Variants in CASP8 observed in about 807,000 individuals in gnomAD.
CASP8 encodes caspase-8.
Under a neutral mutation model 46.3 loss-of-function variants are expected in CASP8, and 24 were observed. The ratio of observed to expected loss-of-function variants is 0.52; its 90% CI spans 0.38 to 0.73. The LOEUF (loss-of-function observed/expected upper bound fraction) is 0.73. CASP8 is among the 30% of genes least tolerant of loss of function. The pLI is 0.00. For missense variants in CASP8, 460 were observed against 559.0 expected, an observed-to-expected ratio of 0.82 and a Z score of 1.79; for synonymous variants, 188 against 200.4, an observed-to-expected ratio of 0.94 and a Z score of 0.52.
At chr2:201,254,315 G>C (rs1460825273) in intron 2 of CASP8, among the ~76,000 whole-genome samples, 1 of 152,144 alleles carries the variant, frequency 6.6e-6, no homozygotes, top group Non-Finnish European at 1.5e-5. Context: ...AATACCAAAA[G>C]AAAAACTTAA....
intron 1 of CASP8, among the ~76,000 whole-genome samples, chr2:201,261,456 A>C (rs1367366305): frequency 6.6e-6 from 1 of 152,110 alleles, no homozygotes. Flanking sequence ...TAATGGGAAG[A>C]CTAGATAGAC....
chr2:201,240,652 A>G (rs1432729391), intron 2 of CASP8: 1 of 152,204 alleles, frequency 6.6e-6, no homozygotes, highest in Non-Finnish European at 1.5e-5. Flanking sequence ...GAAACAGGGG[A>G]CTTAAACAAC....
chr2:201,249,138 C>G (rs1310953473), intron 2 of CASP8, among the ~76,000 whole-genome samples: 1 of 152,204 alleles, frequency 6.6e-6, no homozygotes, highest in East Asian at 1.9e-4. Flanking sequence ...GGTGATCCAC[C>G]TGCCTTGGCC....
At chr2:201,247,190 C>CA (rs71022356) in intron 2 of CASP8, among the ~76,000 whole-genome samples, 2,490 of 81,254 alleles carry the variant, frequency 0.031, 106 homozygotes, top group African/African-American at 0.079. Flanking sequence ...CTGTCTGTCT[C>CA]AAAAAAAAAA....
At chr2:201,244,588 A>G (rs1310476412) in intron 2 of CASP8, among the ~76,000 whole-genome samples, 4 of 152,212 alleles carry the variant, frequency 2.6e-5, no homozygotes, top group Non-Finnish European at 5.9e-5. Context: ...TCTCTTCTGT[A>G]CATTGATATC....
In CASP8 at chr2:201,281,830, C is replaced by G. The variant is rs372086843; in HGVS notation, c.803-2986C>G. On this transcript the variant is annotated intron_variant, in intron 7 of 8. Transcript: ENST00000673742. ...ACACTCTCTCCTTTCTCATTTGCTT[C>G]AGGGTTTGAGAATGTTTTTAGCTGG... The G allele has an allele frequency of 7.7e-4, 1,115 of 1,450,634 alleles. 55 individuals are homozygous for G. The highest frequency in any genetic ancestry group is 3.7e-3 in the African/African-American group (260 of 69,468). 89.9% of individuals were successfully genotyped at this position (1,450,634 alleles called of 1,614,324 possible).
At chr2:201,259,858 C>T (rs1947263662), upstream of CASP8, among the ~76,000 whole-genome samples, 1 of 151,372 alleles carries the variant, frequency 6.6e-6, no homozygotes, top group Non-Finnish European at 1.5e-5. Context: ...TACCATCTTA[C>T]CAAAGAGTTT....
Position 201,285,195 on chromosome 2 carries a change from G to A in CASP8, c.1182G>A (p.Pro394=), listed in dbSNP as rs190041873. The A allele has an allele frequency of 1.3e-4, 202 of 1,614,176 alleles. No homozygotes were observed. Among genetic ancestry groups the A allele is most frequent in the South Asian group, 2.9e-4 (26 of 91,080 alleles). The change falls in exon 8 of 9, where the codon CCG becomes CCA. Residue 394 remains proline, a synonymous_variant. Coordinates refer to ENST00000673742, the MANE Select transcript of CASP8 (RefSeq NM_001372051.1). The stretch of plus-strand genomic sequence containing the variant: ...CATCACCTCAAACGAGATATATCCC[G>A]GATGAGGCTGACTTTCTGCTGGGGA... ...DLSSPQTRYI[P]DEADFLLGMA...
Position 201,266,616 on chromosome 2 carries a change from T to C in CASP8, c.130T>C (p.Leu44=). 1 of 1,614,194 alleles carries C rather than the reference T, an allele frequency of 6.2e-7. No individual in the cohort carries two copies. The change falls in exon 2 of 9, where the codon TTA becomes CTA. Residue 44 remains leucine, a synonymous_variant. Coordinates refer to ENST00000673742, the MANE Select transcript of CASP8 (RefSeq NM_001372051.1). This position sits in a 1 kb window ranked among gnomAD's most constrained non-coding sequence, Gnocchi z 5.7. ...KQEPIKDALM[L]FQRLQEKRML... is the part of the protein sequence containing the mutation. Reference sequence around the variant, plus strand: ...AGAACCCATCAAGGATGCCTTGATGTTATTCCAGAGACTCCAGGAAAAGAG... The same window carrying C: ...AGAACCCATCAAGGATGCCTTGATGCTATTCCAGAGACTCCAGGAAAAGAG...
At chr2:201,248,743 G>A (rs949459521) in intron 2 of CASP8, among the ~76,000 whole-genome samples, 11 of 152,130 alleles carry the variant, frequency 7.2e-5, no homozygotes, top group Non-Finnish European at 1.5e-4. Context: ...CTCTCTTAAT[G>A]GTATCATTTT....
Position 201,287,526 on chromosome 2 carries a change from T to A in CASP8, c.*932T>A, listed in dbSNP as rs1044132196. ...GCCTTCTTATTGCTTTTATGATATATATATGCTTGGCTAACTATATTTGCT... is the reference window on the plus strand; with the variant it reads ...GCCTTCTTATTGCTTTTATGATATAAATATGCTTGGCTAACTATATTTGCT... On this transcript the variant is annotated 3_prime_UTR_variant, in exon 9 of 9. Coordinates refer to ENST00000673742, the MANE Select transcript of CASP8 (RefSeq NM_001372051.1). The A allele has an allele frequency of 1.9e-5, 3 of 154,772 alleles. No homozygotes were observed. Among genetic ancestry groups the A allele is most frequent in the Non-Finnish European group, 4.4e-5 (3 of 68,220 alleles). 9.6% of individuals were successfully genotyped at this position (154,772 alleles called of 1,614,324 possible).
intron 2 of CASP8, among the ~76,000 whole-genome samples, chr2:201,267,430 A>AT (rs1032950972): frequency 6.6e-6 from 1 of 152,162 alleles, no homozygotes; most frequent in Admixed American, 6.5e-5. Flanking sequence ...GGCCTGGCAC[A>AT]TACAGCTAGG....
chr2:201,261,300 A>G (rs1947375478), intron 1 of CASP8, among the ~76,000 whole-genome samples: 1 of 150,566 alleles, frequency 6.6e-6, no homozygotes, highest in South Asian at 2.1e-4. Context: ...CTGAGGCAGG[A>G]GAATCGCTTG....
At chr2:201,268,934 T>TGA (rs1274970261) in intron 2 of CASP8, among the ~76,000 whole-genome samples, 1 of 148,424 alleles carries the variant, frequency 6.7e-6, no homozygotes, top group African/African-American at 2.4e-5. Flanking sequence ...TGTGTGTGTG[T>TGA]GTGTGTGTGT....
At chr2:201,277,794 T>C (rs1276444820) in intron 7 of CASP8, 7 of 376,538 alleles carry the variant, frequency 1.9e-5, no homozygotes, top group South Asian at 7.8e-5. Context: ...TCCACCTCCC[T>C]GGTTCAAGTG....
At position 201,274,920 on chromosome 2, in the gene CASP8, G is replaced by A. The variant is rs749179894; in HGVS notation, c.627G>A (p.Ser209=). 6 of 1,613,518 alleles carry A rather than the reference G, an allele frequency of 3.7e-6. No individual in the cohort carries two copies. The highest frequency in any genetic ancestry group is 5.1e-6 in the Non-Finnish European group (6 of 1,179,592). Residue 209 remains serine (S), a synonymous_variant, in exon 6 of 9, where the codon TCG becomes TCA. Transcript: ENST00000673742. ...AGTTGTGTGGGGTAATGACAATCTC[G>A]GACTCTCCAAGAGAACAGGATAGTG... ...GEELCGVMTI[S]DSPREQDSES... is the part of the protein sequence containing the mutation.
At position 201,272,959 on chromosome 2, in the gene CASP8, C is replaced by A. The variant is rs1380459621; in HGVS notation, c.595+17C>A. On this transcript the variant is annotated intron_variant, in intron 5 of 8. Coordinates refer to ENST00000673742, the MANE Select transcript of CASP8 (RefSeq NM_001372051.1). This position sits in a 1 kb window ranked among gnomAD's most constrained non-coding sequence, Gnocchi z 4.4. ...TTTCAAATGGTAATGCTTGGAGATA[C>A]ATTTTCAAGATTTAGTTAATTTACT... 1 of 1,609,634 alleles carries A rather than the reference C, an allele frequency of 6.2e-7. No individual in the cohort carries two copies. Among genetic ancestry groups the A allele is most frequent in the Non-Finnish European group, 8.5e-7 (1 of 1,176,230 alleles).
upstream of CASP8, chr2:201,260,397 C>T (rs1309602338): frequency 3.4e-6 from 1 of 294,968 alleles, no homozygotes; most frequent in Admixed American, 6.5e-5. Flanking sequence ...GGCCTTTTTC[C>T]TGCAGCTTTA....
intron 7 of CASP8, among the ~76,000 whole-genome samples, chr2:201,278,919 C>A (rs907370616): frequency 1.3e-5 from 2 of 152,028 alleles, no homozygotes; most frequent in Non-Finnish European, 2.9e-5. Flanking sequence ...AAGGAATAAT[C>A]CAACAAGGAT....
Sources: gnomAD v4.1 joint callset for allele counts (sites outside exome capture counted in the v4.1 genomes callset) on GRCh38, gnomAD v4.1.1 for gene constraint, Gnocchi (gnomAD v3.1) non-coding constraint, MANE v1.5 for transcripts, NCBI Gene and HGNC (gene_info 2026-07-23, HGNC 2026-07-21) for gene names.